The following DENR variants were observed in gnomAD, a reference collection of about 807,000 sequenced individuals.
DENR encodes the protein density regulated re-initiation and release factor, also known as density-regulated protein.
A neutral mutation model predicts 30.6 loss-of-function variants in DENR; 6 were observed. The observed-to-expected ratio is 0.20, with a 90% CI of 0.11 to 0.39. DENR has a LOEUF of 0.39. DENR is among the 10% of genes least tolerant of loss of function. DENR has a pLI of 1.00. For synonymous variants in DENR, 78 were observed against 72.1 expected (o/e 1.08, Z -0.41); for missense variants, 141 against 230.9 (o/e 0.61, Z 2.52).
At position 122,769,161 on chromosome 12, in the gene DENR, T is replaced by C. The variant is rs1436592288; in HGVS notation, c.*83T>C. On this transcript the variant is annotated 3_prime_UTR_variant, in exon 8 of 8. Transcript: ENST00000280557. The stretch of plus-strand genomic sequence containing the variant: ...AGAGAGGCCTTTTAAAATATATATA[T>C]ATATACACATATATATGTATATATA... 4 of 1,229,034 alleles carry C rather than the reference T, an allele frequency of 3.3e-6. No homozygotes were observed. The highest frequency in any genetic ancestry group is 4.3e-6 in the Non-Finnish European group (4 of 929,288). The allele number at this position is 1,229,034 out of a possible 1,614,324, so 76.1% of individuals were successfully genotyped here. A position where few individuals can be genotyped will look rare whatever the true frequency, so the allele number is the denominator to read the frequency against.
Position 122,769,922 on chromosome 12 carries a change from T to C in DENR, c.*844T>C, listed in dbSNP as rs1008432309. On this transcript the variant is annotated 3_prime_UTR_variant, in exon 8 of 8. Coordinates refer to ENST00000280557, the MANE Select transcript of DENR (RefSeq NM_003677.5). ...AAAGCTGAGTGATTTTTTAAAAGAATTTGAATTTGGCTTCCTCACCAGTAA... is the reference window on the plus strand; with the variant it reads ...AAAGCTGAGTGATTTTTTAAAAGAACTTGAATTTGGCTTCCTCACCAGTAA... 1 of 152,610 alleles carries C rather than the reference T, an allele frequency of 6.6e-6. No individual in the cohort carries two copies. Among genetic ancestry groups the C allele is most frequent in the African/African-American group, 2.4e-5 (1 of 41,458 alleles). 9.5% of individuals were successfully genotyped at this position (152,610 alleles called of 1,614,324 possible).
intron 2 of DENR, 23 bp downstream of exon 2, chr12:122,753,830 T>A: frequency 6.5e-7 from 1 of 1,550,024 alleles, no homozygotes; most frequent in Non-Finnish European, 8.9e-7. Flanking sequence ...AGCCACAGAA[T>A]GACTTTTACT....
At chr12:122,765,764 G>C (rs1878829909) in intron 5 of DENR, among the ~76,000 whole-genome samples, 1 of 152,086 alleles carries the variant, frequency 6.6e-6, no homozygotes, top group Non-Finnish European at 1.5e-5. Flanking sequence ...CAGTAAATTG[G>C]ACCTAGGAAA....
intron 2 of DENR, among the ~76,000 whole-genome samples, chr12:122,757,848 A>G (rs968458982): frequency 6.6e-6 from 1 of 152,166 alleles, no homozygotes; most frequent in Non-Finnish European, 1.5e-5. Flanking sequence ...ATGGGTTGAA[A>G]CTGGCCACAG....
chr12:122,754,899 A>G (rs1313992275), intron 2 of DENR, among the ~76,000 whole-genome samples: 3 of 152,242 alleles, frequency 2.0e-5, no homozygotes, highest in Non-Finnish European at 1.5e-5. Flanking sequence ...GGTTAATCAA[A>G]GAAAAGATAC....
At position 122,767,496 on chromosome 12, in the gene DENR, G is replaced by T; in HGVS notation, c.304G>T (p.Gly102Cys). 6.4e-7 allele frequency: 1 copy of T among 1,554,478 alleles called. No homozygotes were observed. The highest frequency in any genetic ancestry group is 8.7e-7 in the Non-Finnish European group (1 of 1,151,004). Residue 102 changes from glycine to cysteine, a missense_variant, in exon 6 of 8, where the codon GGT becomes TGT. Physicochemically the swap from Gly to Cys is radical, Grantham distance 159 (BLOSUM62 -3). Transcript: ENST00000280557. ...TTTCTTAATAAATAAAGGTGGAAGG[G>T]GTCAAATAAAACAAAAAAAGAAGAC... ...EKKKQKRGGR[G>C]QIKQKKKTVP... is the part of the protein sequence containing the mutation.
At chr12:122,762,785 A>G (rs769821130) in intron 3 of DENR, 60 bp from the exon 4 acceptor site, 114 of 1,148,544 alleles carry the variant, frequency 9.9e-5, no homozygotes, top group Middle Eastern at 2.8e-4. Context: ...ATTTTTAATT[A>G]CGACATATTG....
Position 122,762,937 on chromosome 12 carries a change from CA to C in DENR, c.211+9del. 1 of 1,497,322 alleles carries C rather than the reference CA, an allele frequency of 6.7e-7. No homozygotes were observed. Among genetic ancestry groups the C allele is most frequent in the Non-Finnish European group, 9.0e-7 (1 of 1,106,348 alleles). The allele number at this position is 1,497,322 out of a possible 1,614,324, so 92.8% of individuals were successfully genotyped here. ...TTGCAAAACTTACTGTAGGTATGAA[CA>C]TTTTTTTTCTTGCATTAAACTTCTG... On this transcript the variant is annotated intron_variant, in intron 4 of 7. Transcript: ENST00000280557.
Position 122,770,677 on chromosome 12 carries a change from T to C in DENR, c.*1599T>C. 1 of 398,574 alleles carries C rather than the reference T, an allele frequency of 2.5e-6. No individual in the cohort carries two copies. The highest frequency in any genetic ancestry group is 4.4e-6 in the Non-Finnish European group (1 of 226,042). 24.7% of individuals were successfully genotyped at this position (398,574 alleles called of 1,614,324 possible). On this transcript the variant is annotated 3_prime_UTR_variant, in exon 8 of 8. Coordinates refer to ENST00000280557, the MANE Select transcript of DENR (RefSeq NM_003677.5). Reference sequence around the variant, plus strand: ...GAAGACTTGTGGTGTTTTAAGTTGCTGTGGACACTTTTAAGAAACTTAGAA... The same window carrying C: ...GAAGACTTGTGGTGTTTTAAGTTGCCGTGGACACTTTTAAGAAACTTAGAA...
At chr12:122,753,830 T>C in intron 2 of DENR, 23 bp downstream of exon 2, 2 of 1,550,024 alleles carry the variant, frequency 1.3e-6, no homozygotes, top group Non-Finnish European at 1.8e-6. Context: ...AGCCACAGAA[T>C]GACTTTTACT....
rs376230601 is a variant in DENR, at chr12:122,770,932, T to C, written c.*1854T>C. On this transcript the variant is annotated 3_prime_UTR_variant, in exon 8 of 8. Coordinates refer to ENST00000280557, the MANE Select transcript of DENR (RefSeq NM_003677.5). ...TGCTGCTGAAAGATGTCTGTGTGCC[T>C]GTATCAACATGTGACTTCATGTAAA... The C allele has an allele frequency of 1.9e-4, 75 of 390,572 alleles. No individual in the cohort carries two copies. Among genetic ancestry groups the C allele is most frequent in the African/African-American group, 1.1e-3 (51 of 48,546 alleles). 24.2% of individuals were successfully genotyped at this position (390,572 alleles called of 1,614,324 possible).
In DENR at chr12:122,763,562, G is replaced by A. The variant is rs562398495; in HGVS notation, c.211+633G>A. ...TTCTACTAAAAATACAAAGCTGGGC[G>A]TGGTGGCGCATGCCTGTAATCCTAG... On this transcript the variant is annotated intron_variant, in intron 4 of 7. Coordinates refer to ENST00000280557, the MANE Select transcript of DENR (RefSeq NM_003677.5). Among the ~76,000 whole-genome samples the A allele has an allele frequency of 6.6e-5, 10 of 152,240 alleles. 1 individual carries two copies. In the East Asian group the frequency reaches 1.2e-3, roughly 18 times the overall value.
rs1566061687 is a variant in DENR at position 122,769,319 on chromosome 12, C to CATATATACACATATATTTATACAT, written c.*248_*249insCACATATATTTATACATATATATA. 2.2e-6 allele frequency: 2 copies of CATATATACACATATATTTATACAT among 893,422 alleles called. No homozygotes were observed. The highest frequency in any genetic ancestry group is 4.1e-5 in the African/African-American group (2 of 48,716). The allele number at this position is 893,422 out of a possible 1,614,324, so 55.3% of individuals were successfully genotyped here. ...GTATACATATATACACATATGTATA[C>CATATATACACATATATTTATACAT]ATATATATATATTCTACAGTAAAAC... On this transcript the variant is annotated 3_prime_UTR_variant, in exon 8 of 8. Coordinates refer to ENST00000280557, the MANE Select transcript of DENR (RefSeq NM_003677.5).
At chr12:122,767,789 C>A (rs1444575387) in intron 6 of DENR, among the ~76,000 whole-genome samples, 185 bp downstream of exon 6, 1 of 152,134 alleles carries the variant, frequency 6.6e-6, no homozygotes, top group Admixed American at 6.5e-5. Context: ...ATGTCAAAAT[C>A]TTTTGTAGAG....
At position 122,761,268 on chromosome 12, in the gene DENR, C is replaced by T. The variant is rs1292186402; in HGVS notation, c.107-919C>T. Among the ~76,000 whole-genome samples, 10 of 150,254 alleles carry T rather than the reference C, an allele frequency of 6.7e-5. No individual in the cohort carries two copies. The South Asian group carries it at 1.5e-3, about 22-fold the overall frequency. On this transcript the variant is annotated intron_variant, in intron 2 of 7. Coordinates refer to ENST00000280557, the MANE Select transcript of DENR (RefSeq NM_003677.5). ...CTCTACTAAAAATACAAAAATTAGC[C>T]GGGCGTGGTGGCACACGCCTGTAAT... is the stretch of plus-strand genomic sequence containing the variant.
chr12:122,769,249 T>TACAC lies in DENR; in HGVS notation c.*172_*173insCACA, dbSNP rs1446950442. The TACAC allele has an allele frequency of 7.1e-6, 5 of 706,200 alleles. No homozygotes were observed. Among genetic ancestry groups the TACAC allele is most frequent in the African/African-American group, 1.3e-4 (2 of 15,460 alleles). 43.7% of individuals were successfully genotyped at this position (706,200 alleles called of 1,614,324 possible). A position where few individuals can be genotyped will look rare whatever the true frequency, so the allele number is the denominator to read the frequency against. On this transcript the variant is annotated 3_prime_UTR_variant, in exon 8 of 8. Transcript: ENST00000280557. ...ATACATGTGTGTATGTATACATGTA[T>TACAC]ATATATATACATACACATATATGTA...
chr12:122,767,542 T>C lies in DENR; in HGVS notation c.350T>C (p.Ile117Thr). 1 of 1,601,254 alleles carries C rather than the reference T, an allele frequency of 6.2e-7. No individual in the cohort carries two copies. Among genetic ancestry groups the C allele is most frequent in the Non-Finnish European group, 8.5e-7 (1 of 1,174,062 alleles). Residue 117 changes from isoleucine to threonine, a missense_variant, in exon 6 of 8, where the codon ATA becomes ACA. By Grantham distance (89) the Ile-to-Thr change is moderately conservative (BLOSUM62 -1). Around this residue, in one of 2 missense-constraint regions of DENR, gnomAD observed 104 missense variants for 138.3 expected, o/e 0.75. Coordinates refer to ENST00000280557, the MANE Select transcript of DENR (RefSeq NM_003677.5). The stretch of plus-strand genomic sequence containing the variant: ...AAGACCGTACCACAAAAGGTTACTA[T>C]AGCCAAAATTCCCAGAGCAAAGAAG... ...KKKTVPQKVT[I>T]AKIPRAKKKY...
At chr12:122,758,886 G>T (rs186539222) in intron 2 of DENR, among the ~76,000 whole-genome samples, 2 of 144,648 alleles carry the variant, frequency 1.4e-5, no homozygotes, top group Admixed American at 7.0e-5. Context: ...TTGCCCTGTT[G>T]CCCAGGCTGG....
chr12:122,769,093 C>G lies in DENR; in HGVS notation c.*15C>G. 9 of 1,606,124 alleles carry G rather than the reference C, an allele frequency of 5.6e-6. No homozygotes were observed. Among genetic ancestry groups the G allele is most frequent in the Non-Finnish European group, 7.6e-6 (9 of 1,177,374 alleles). ...TAAAGAAGTGAATTTGAAAATTTGTCTGTATTTAATGGCCTGAACTGAGAG... is the reference window on the plus strand; with the variant it reads ...TAAAGAAGTGAATTTGAAAATTTGTGTGTATTTAATGGCCTGAACTGAGAG... On this transcript the variant is annotated 3_prime_UTR_variant, in exon 8 of 8. Coordinates refer to ENST00000280557, the MANE Select transcript of DENR (RefSeq NM_003677.5).
Sources: allele counts gnomAD v4.1 joint callset (sites outside exome capture counted in the v4.1 genomes callset), GRCh38; gene constraint gnomAD v4.1.1; regional missense constraint gnomAD v4.1.1; transcripts MANE v1.5; gene names NCBI Gene and HGNC (gene_info 2026-07-23, HGNC 2026-07-21).